The following ROBO2 variants were observed in gnomAD, a reference collection of about 807,000 sequenced individuals.
The protein encoded by ROBO2 is roundabout guidance receptor 2.
ROBO2 carries 53 observed loss-of-function variants against 160.8 expected under a neutral mutation model. The ratio of observed to expected loss-of-function variants is 0.33; its 90% CI spans 0.26 to 0.41. The LOEUF is 0.41. ROBO2 is among the 10% of genes least tolerant of loss of function. The pLI is 1.00. For missense variants in ROBO2, 1,577 were observed against 1,722.4 expected (o/e 0.92, Z 1.49); for synonymous variants, 664 against 611.7 (o/e 1.09, Z -1.26).
chr3:76,656,041 C>T lies in ROBO2; in HGVS notation c.110-441973C>T, dbSNP rs147800067. 2.2e-3 allele frequency among the ~76,000 whole-genome samples: 339 copies of T among 152,126 alleles called. 1 individual carries two copies. The highest frequency in any genetic ancestry group is 7.8e-3 in the African/African-American group (325 of 41,522). ...AAATCATATAGATTTAATTATTAAA[C>T]GACTCTTCCAATTCTTGGCTCAATT... On this transcript the variant is annotated intron_variant, in intron 2 of 26. Transcript: ENST00000487694.
At chr3:76,217,709 A>T (rs1218928381) in intron 2 of ROBO2, among the ~76,000 whole-genome samples, 7 of 152,126 alleles carry the variant, frequency 4.6e-5, no homozygotes, top group Admixed American at 3.9e-4. Context: ...CCAGATGGAT[A>T]TACAGCGGAA....
intron 2 of ROBO2, among the ~76,000 whole-genome samples, chr3:77,129,903 G>T (rs951750631): frequency 6.6e-6 from 1 of 152,102 alleles, no homozygotes; most frequent in Admixed American, 6.5e-5. Context: ...CACTGAGCTT[G>T]TTGTCACTGG....
intron 2 of ROBO2, among the ~76,000 whole-genome samples, chr3:76,378,915 G>T (rs1260122987): frequency 6.6e-6 from 1 of 152,190 alleles, no homozygotes; most frequent in Admixed American, 6.6e-5. Flanking sequence ...CTGCTGAAGA[G>T]AACTAAATCA....
At chr3:76,989,209 T>C (rs372685742) in intron 2 of ROBO2, among the ~76,000 whole-genome samples, 15 of 152,130 alleles carry the variant, frequency 9.9e-5, no homozygotes, top group East Asian at 7.7e-4. Flanking sequence ...ATAGGAAATA[T>C]TTATGGTGAA....
intron 2 of ROBO2, among the ~76,000 whole-genome samples, chr3:76,895,777 C>T (rs565880618): frequency 6.6e-6 from 1 of 152,208 alleles, no homozygotes; most frequent in African/African-American, 2.4e-5. Flanking sequence ...TTCATTTACT[C>T]GAATTAGGTT....
chr3:77,570,474 T>C (rs2093610628), intron 13 of ROBO2, among the ~76,000 whole-genome samples: 1 of 152,024 alleles, frequency 6.6e-6, no homozygotes, highest in Non-Finnish European at 1.5e-5. Flanking sequence ...AGAGTGTCTA[T>C]TATGAAGTAC....
At chr3:77,289,200 C>A (rs912729905) in intron 2 of ROBO2, among the ~76,000 whole-genome samples, 1 of 152,134 alleles carries the variant, frequency 6.6e-6, no homozygotes, top group Non-Finnish European at 1.5e-5. Context: ...GTGCTTGATA[C>A]TCTGAGATTG....
intron 2 of ROBO2, among the ~76,000 whole-genome samples, chr3:76,242,679 A>T (rs1211653521): frequency 2.0e-5 from 3 of 152,100 alleles, no homozygotes; most frequent in Non-Finnish European, 4.4e-5. Flanking sequence ...TGAGCCCTGG[A>T]ATCGGAGATC....
At chr3:76,780,789 C>G (rs1339152891) in intron 2 of ROBO2, among the ~76,000 whole-genome samples, 2 of 150,540 alleles carry the variant, frequency 1.3e-5, no homozygotes, top group African/African-American at 4.9e-5. Flanking sequence ...TGTTTCTATG[C>G]CAGTACCATC....
intron 2 of ROBO2, among the ~76,000 whole-genome samples, chr3:77,243,166 A>C (rs1197229871): frequency 6.6e-6 from 1 of 152,104 alleles, no homozygotes; most frequent in Non-Finnish European, 1.5e-5. Flanking sequence ...TGTTAACTTT[A>C]ATTTCCCATA....
At chr3:77,008,568 T>C (rs1315677784) in intron 2 of ROBO2, among the ~76,000 whole-genome samples, 1 of 152,142 alleles carries the variant, frequency 6.6e-6, no homozygotes, top group Non-Finnish European at 1.5e-5. Context: ...ATCTTATTGC[T>C]TGAGGAACAT....
chr3:76,269,824 T>C (rs1707324164), intron 2 of ROBO2, among the ~76,000 whole-genome samples: 1 of 152,050 alleles, frequency 6.6e-6, no homozygotes, highest in Admixed American at 6.6e-5. Context: ...CAAGTCCTTC[T>C]TATATTTGAA....
At chr3:77,424,427 T>C (rs1313355117) in intron 2 of ROBO2, among the ~76,000 whole-genome samples, 1 of 152,198 alleles carries the variant, frequency 6.6e-6, no homozygotes, top group Admixed American at 6.5e-5. Flanking sequence ...TATATACTTG[T>C]TGGCTTTCTT....
chr3:75,921,424 C>G (rs1302092477), intron 1 of ROBO2, among the ~76,000 whole-genome samples: 1 of 151,872 alleles, frequency 6.6e-6, no homozygotes, highest in Non-Finnish European at 1.5e-5. Flanking sequence ...CAGCAGCTAA[C>G]TAAAGAAAAT....
intron 2 of ROBO2, among the ~76,000 whole-genome samples, chr3:77,372,542 A>T (rs1169813382): frequency 1.3e-5 from 2 of 152,198 alleles, no homozygotes; most frequent in Non-Finnish European, 2.9e-5. Context: ...CATAACCATC[A>T]GTAGTAAATG....
chr3:76,050,469 C>A (rs2067616865), intron 2 of ROBO2, among the ~76,000 whole-genome samples: 1 of 152,128 alleles, frequency 6.6e-6, no homozygotes, highest in African/African-American at 2.4e-5. Context: ...GGGGGCTTCA[C>A]CTTATGATCA....
intron 2 of ROBO2, among the ~76,000 whole-genome samples, chr3:75,986,049 G>T (rs550199120): frequency 1.3e-5 from 2 of 151,554 alleles, no homozygotes; most frequent in Admixed American, 6.6e-5. Context: ...ATTCTCTTGG[G>T]TATATACCTG....
chr3:77,402,274 C>T (rs12635599), intron 2 of ROBO2, among the ~76,000 whole-genome samples: 24,594 of 151,600 alleles, frequency 0.16, 2,372 homozygotes, highest in East Asian at 0.25. Flanking sequence ...CATCACACAC[C>T]GGGGCCTGTC....
chr3:77,439,022 A>C (rs2079623005), intron 2 of ROBO2, among the ~76,000 whole-genome samples: 1 of 152,000 alleles, frequency 6.6e-6, no homozygotes. Context: ...TCAAAATAAT[A>C]ACCATGATGG....
Sources: allele counts gnomAD v4.1 joint callset (sites outside exome capture counted in the v4.1 genomes callset), GRCh38; gene constraint gnomAD v4.1.1; transcripts MANE v1.5; gene names NCBI Gene and HGNC (gene_info 2026-07-23, HGNC 2026-07-21).